Variants in HIGD1C observed in about 807,000 individuals in gnomAD.
HIGD1C encodes HIG1 hypoxia inducible domain family member 1C, also known as HIG1 domain family member 1C.
HIGD1C carries 11 observed loss-of-function variants against 13.1 expected under a neutral mutation model. That is an observed-to-expected ratio of 0.84 (90% CI 0.53 to 1.39). The LOEUF (loss-of-function observed/expected upper bound fraction) is 1.39, where lower values mean the gene tolerates loss of function less well. Among genes scored for constraint, HIGD1C ranks in the 40% most tolerant of loss-of-function variants. HIGD1C has a pLI of 0.00. For synonymous variants in HIGD1C, 36 were observed against 37.7 expected, an observed-to-expected ratio of 0.95 and a Z score of 0.17; for missense variants, 110 against 112.0, an observed-to-expected ratio of 0.98 and a Z score of 0.08.
At chr12:50,937,245 C>G in the HIGD1C span, among the ~76,000 whole-genome samples, 22 of 152,344 alleles carry the variant, frequency 1.4e-4, no homozygotes, top group Middle Eastern at 3.4e-3. Context: ...CCCCCTAAAC[C>G]CAGCAGGGCT....
At chr12:50,942,604 T>C in the HIGD1C span, among the ~76,000 whole-genome samples, 2 of 152,184 alleles carry the variant, frequency 1.3e-5, no homozygotes, top group Non-Finnish European at 2.9e-5. Flanking sequence ...TAGTGGCTCA[T>C]GCCTGTAATC....
chr12:50,961,184 A>T, intron 2 of HIGD1C, 82 bp downstream of exon 4: 1 of 1,393,042 alleles, frequency 7.2e-7, no homozygotes, highest in East Asian at 2.3e-5. Context: ...GTAGAAGATG[A>T]ATGTTGGGTC....
At chr12:50,937,358 G>A in the HIGD1C span, among the ~76,000 whole-genome samples, 2,500 of 152,340 alleles carry the variant, frequency 0.016, 65 homozygotes, top group African/African-American at 0.056. Flanking sequence ...CAGCTTGGGC[G>A]TGGCATCTGG....
At chr12:50,954,217 C>G in intron 1 of HIGD1C, 125 bp downstream of exon 3, 1 of 600,100 alleles carries the variant, frequency 1.7e-6, no homozygotes, top group Non-Finnish European at 2.9e-6. Flanking sequence ...CTAACCTCCT[C>G]TAAGCATGTG....
chr12:50,942,609 G>C, the HIGD1C span, among the ~76,000 whole-genome samples: 1 of 152,166 alleles, frequency 6.6e-6, no homozygotes, highest in African/African-American at 2.4e-5. Flanking sequence ...GCTCATGCCT[G>C]TAATCCCAGC....
the HIGD1C span, chr12:50,931,484 T>G: frequency 6.8e-6 from 1 of 146,460 alleles, no homozygotes. Flanking sequence ...CCGAGGCGGG[T>G]GGATCACGAG....
chr12:50,965,287 A>ATTT (rs77800053), intron 2 of HIGD1C, among the ~76,000 whole-genome samples: 6 of 134,566 alleles, frequency 4.5e-5, no homozygotes, highest in Admixed American at 7.6e-5. Flanking sequence ...CTAATTTTTA[A>ATTT]TTTTTTTTTT....
At chr12:50,948,633 G>C in the HIGD1C span, among the ~76,000 whole-genome samples, 2 of 150,964 alleles carry the variant, frequency 1.3e-5, no homozygotes, top group Non-Finnish European at 2.9e-5. Context: ...ACTTTGGGAG[G>C]CCGAGGAGGG....
At chr12:50,962,775 A>T (rs1309059629) in intron 2 of HIGD1C, among the ~76,000 whole-genome samples, 3 of 152,178 alleles carry the variant, frequency 2.0e-5, no homozygotes, top group Non-Finnish European at 4.4e-5. Context: ...GGGAGGCCAG[A>T]GGAGGCTTCT....
intron 2 of HIGD1C, among the ~76,000 whole-genome samples, chr12:50,968,161 A>C (rs891459470): frequency 3.3e-5 from 5 of 152,068 alleles, no homozygotes; most frequent in African/African-American, 1.2e-4. Context: ...GATTTATTAC[A>C]GAGATATGAC....
upstream of HIGD1C, chr12:50,949,419 T>G (rs1372561858): frequency 4.6e-5 from 7 of 151,984 alleles, no homozygotes; most frequent in African/African-American, 1.7e-4. Flanking sequence ...GTAGGCAGAC[T>G]GCCCTGGTTA....
chr12:50,961,999 A>G (rs1939347701), intron 2 of HIGD1C, among the ~76,000 whole-genome samples: 1 of 152,198 alleles, frequency 6.6e-6, no homozygotes, highest in Admixed American at 6.6e-5. Context: ...TAGAAATATG[A>G]CTCAGTCCCT....
At chr12:50,951,640 T>C (rs1319083512), upstream of HIGD1C, among the ~76,000 whole-genome samples, 1 of 151,968 alleles carries the variant, frequency 6.6e-6, no homozygotes, top group Non-Finnish European at 1.5e-5. Flanking sequence ...CAAGGTCGGC[T>C]GGGCGCGGTG....
At chr12:50,966,520 C>T (rs1202957178) in intron 2 of HIGD1C, among the ~76,000 whole-genome samples, 3 of 152,144 alleles carry the variant, frequency 2.0e-5, no homozygotes, top group African/African-American at 4.8e-5. Flanking sequence ...ACCTCCACAC[C>T]CTCAGTTGTG....
At chr12:50,953,315 C>A (rs1165951539), upstream of HIGD1C, among the ~76,000 whole-genome samples, 1 of 152,202 alleles carries the variant, frequency 6.6e-6, no homozygotes, top group Non-Finnish European at 1.5e-5. Context: ...TAGGATGAAG[C>A]CGCTGTATTT....
chr12:50,951,058 GATC>G (rs1470650639), upstream of HIGD1C, among the ~76,000 whole-genome samples: 1 of 151,954 alleles, frequency 6.6e-6, no homozygotes, highest in African/African-American at 2.4e-5. Context: ...TTCAAGCAAG[GATC>G]ATCAACAGAC....
upstream of HIGD1C, among the ~76,000 whole-genome samples, chr12:50,953,115 G>T (rs534017988): frequency 2.6e-5 from 4 of 152,240 alleles, no homozygotes; most frequent in South Asian, 8.3e-4. Context: ...CAGTCCCCTG[G>T]GGCGTGTTTC....
chr12:50,936,810 A>G, the HIGD1C span, among the ~76,000 whole-genome samples: 2 of 152,272 alleles, frequency 1.3e-5, no homozygotes, highest in Non-Finnish European at 2.9e-5. Flanking sequence ...TTTGATATTT[A>G]GAATTTAACA....
the HIGD1C span, among the ~76,000 whole-genome samples, chr12:50,946,617 T>C: frequency 6.6e-6 from 1 of 152,098 alleles, no homozygotes; most frequent in Non-Finnish European, 1.5e-5. Context: ...ATAGGAACAC[T>C]TTTACACTGT....
Sources: gnomAD v4.1 joint callset for allele counts (sites outside exome capture counted in the v4.1 genomes callset) on GRCh38, gnomAD v4.1.1 for gene constraint, MANE v1.5 for transcripts, NCBI Gene and HGNC (gene_info 2026-07-23, HGNC 2026-07-21) for gene names.